KCNQ1: variants seen among roughly 807,000 people sequenced by gnomAD.
KCNQ1 encodes potassium voltage-gated channel subfamily KQT member 1.
A neutral mutation model predicts 72.4 loss-of-function variants in KCNQ1; 49 were observed. The observed-to-expected ratio is 0.68, with a 90% confidence interval of 0.54 to 0.86. The LOEUF is 0.86. Ranked by LOEUF, KCNQ1 falls within the 40% of genes least tolerant of loss-of-function variation. The pLI, the probability that KCNQ1 is intolerant of heterozygous loss-of-function variation, is 0.00. For missense variants in KCNQ1, 790 were observed against 945.1 expected (o/e 0.84, Z 2.15); for synonymous variants, 450 against 412.6 (o/e 1.09, Z -1.10).
rs912763163 is a variant in KCNQ1 at position 2,669,121 on chromosome 11, T to C, written c.1514+7040T>C. 4 of 398,606 alleles carry C rather than the reference T, an allele frequency of 1.0e-5. No homozygotes were observed. The highest frequency in any genetic ancestry group is 1.8e-5 in the Non-Finnish European group (4 of 226,126). The allele number at this position is 398,606 out of a possible 1,614,324, so 24.7% of individuals were successfully genotyped here. ...GCTCACTGGCTACGTGTGGCTCTGT[T>C]TCTGGACCCTATTGGGTGCCACTGG... On this transcript the variant is annotated intron_variant, in intron 11 of 15. Coordinates refer to ENST00000155840, the MANE Select transcript of KCNQ1 (RefSeq NM_000218.3). The surrounding 1 kb of genome is among the most constrained non-coding windows in gnomAD (Gnocchi z 5.6).
chr11:2,643,007 G>T (rs1401383358), intron 10 of KCNQ1: 1 of 397,442 alleles, frequency 2.5e-6, no homozygotes, highest in Non-Finnish European at 4.4e-6. Context: ...ATGCTATTGT[G>T]GTCTGAGAAG....
intron 15 of KCNQ1, among the ~76,000 whole-genome samples, chr11:2,779,331 G>T (rs554489217): frequency 6.6e-6 from 1 of 152,162 alleles, no homozygotes; most frequent in Non-Finnish European, 1.5e-5. Flanking sequence ...GTGACTCCTG[G>T]CTGGCACACC....
At chr11:2,533,478 G>A (rs1242604866) in intron 2 of KCNQ1, among the ~76,000 whole-genome samples, 1 of 152,260 alleles carries the variant, frequency 6.6e-6, no homozygotes, top group South Asian at 2.1e-4. Context: ...GGGGCTGTGT[G>A]TGCACGTGTG....
At chr11:2,832,761 G>A (rs192969082) in intron 15 of KCNQ1, among the ~76,000 whole-genome samples, 2 of 152,338 alleles carry the variant, frequency 1.3e-5, no homozygotes, top group African/African-American at 4.8e-5. Flanking sequence ...CAAGGCTGGG[G>A]CTGATGCTCC....
chr11:2,754,931 T>A (rs1460993056), intron 11 of KCNQ1, among the ~76,000 whole-genome samples: 1 of 152,222 alleles, frequency 6.6e-6, no homozygotes, highest in African/African-American at 2.4e-5. Flanking sequence ...GCGATTGCAC[T>A]AGTTTTCTGG....
At position 2,710,321 on chromosome 11, in the gene KCNQ1, G is replaced by C. The variant is rs1209050830; in HGVS notation, c.1514+48240G>C. ...AAATTCTTTGCCCAAATTTTAATTG[G>C]GTTGTGTTTTTATTATTTAGTAGAG... On this transcript the variant is annotated intron_variant, in intron 11 of 15. Coordinates refer to ENST00000155840, the MANE Select transcript of KCNQ1 (RefSeq NM_000218.3). This position sits in a 1 kb window ranked among gnomAD's most constrained non-coding sequence, Gnocchi z 4.1. Among the ~76,000 whole-genome samples, 1 of 152,044 alleles carries C rather than the reference G, an allele frequency of 6.6e-6. No homozygotes were observed. Among genetic ancestry groups the C allele is most frequent in the African/African-American group, 2.4e-5 (1 of 41,384 alleles).
At chr11:2,499,880 A>G (rs1275744706) in intron 1 of KCNQ1, among the ~76,000 whole-genome samples, 3 of 152,266 alleles carry the variant, frequency 2.0e-5, no homozygotes, top group Non-Finnish European at 4.4e-5. Flanking sequence ...CATTCTCCTC[A>G]GCACATAGCT....
intron 14 of KCNQ1, 57 bp from the exon 15 acceptor site, chr11:2,777,919 G>A (rs1846739448): frequency 6.5e-7 from 1 of 1,543,332 alleles, no homozygotes; most frequent in African/African-American, 1.4e-5. Flanking sequence ...AAGCCCAGCT[G>A]GGGTCCCCGG....
Position 2,623,790 on chromosome 11 carries a change from A to T in KCNQ1, c.1393+34936A>T. 2.5e-6 allele frequency: 1 copy of T among 398,576 alleles called. No individual in the cohort carries two copies. Among genetic ancestry groups the T allele is most frequent in the South Asian group, 1.3e-4 (1 of 7,860 alleles). 24.7% of individuals were successfully genotyped at this position (398,576 alleles called of 1,614,324 possible). A position where few individuals can be genotyped will look rare whatever the true frequency, so the allele number is the denominator to read the frequency against. On this transcript the variant is annotated intron_variant, in intron 10 of 15. Transcript: ENST00000155840. The surrounding 1 kb of genome is among the most constrained non-coding windows in gnomAD (Gnocchi z 5.2). ...CACCTCCTTTGAGTAAATACCAAGG[A>T]TGTGATTGCTGAACTGCATGGTAAG...
At chr11:2,584,573 G>A (rs967340236) in intron 7 of KCNQ1, among the ~76,000 whole-genome samples, 2 of 145,112 alleles carry the variant, frequency 1.4e-5, no homozygotes. Flanking sequence ...GTGTGTGTTA[G>A]TGTTTGTGTG....
rs1377488439 is a variant in KCNQ1 at position 2,482,904 on chromosome 11, G to A, written c.386+37420G>A. On this transcript the variant is annotated intron_variant, in intron 1 of 15. Coordinates refer to ENST00000155840, the MANE Select transcript of KCNQ1 (RefSeq NM_000218.3). This position sits in a 1 kb window ranked among gnomAD's most constrained non-coding sequence, Gnocchi z 5.7. The stretch of plus-strand genomic sequence containing the variant: ...AGGGTCACCCTCCAGGAAGTGACCT[G>A]CAAGAGAATGGAGAGAGTCATGGAC... 2.0e-5 allele frequency among the ~76,000 whole-genome samples: 3 copies of A among 152,192 alleles called. No individual in the cohort carries two copies. The highest frequency in any genetic ancestry group is 4.4e-5 in the Non-Finnish European group (3 of 68,044).
At chr11:2,571,273 G>A (rs1204678050) in intron 3 of KCNQ1, 52 bp from the exon 4 acceptor site, 3 of 1,448,852 alleles carry the variant, frequency 2.1e-6, no homozygotes, top group Admixed American at 1.7e-5. Context: ...CTCTTCCCTG[G>A]GGCCCTGGCT....
Position 2,759,381 on chromosome 11 carries a change from A to G in KCNQ1, c.1515-9463A>G, listed in dbSNP as rs1402494292. 6.6e-6 allele frequency among the ~76,000 whole-genome samples: 1 copy of G among 152,074 alleles called. No individual in the cohort carries two copies. The highest frequency in any genetic ancestry group is 1.5e-5 in the Non-Finnish European group (1 of 68,002). ...GTTTCCTCTGCCAAGACCCCCACCC[A>G]TCTGCCTCTCTTCATCTCACAAGCC... On this transcript the variant is annotated intron_variant, in intron 11 of 15. Transcript: ENST00000155840. The surrounding 1 kb of genome is among the most constrained non-coding windows in gnomAD (Gnocchi z 4.4).
At chr11:2,540,275 G>A (rs1022144215) in intron 2 of KCNQ1, among the ~76,000 whole-genome samples, 2 of 152,220 alleles carry the variant, frequency 1.3e-5, no homozygotes, top group African/African-American at 4.8e-5. Flanking sequence ...TATGTTCTTG[G>A]CTTCCCAGGT....
In KCNQ1 at chr11:2,669,131, T is replaced by C. The variant is rs1318306510; in HGVS notation, c.1514+7050T>C. ...TACGTGTGGCTCTGTTTCTGGACCC[T>C]ATTGGGTGCCACTGGTCAGATTCAA... On this transcript the variant is annotated intron_variant, in intron 11 of 15. Coordinates refer to ENST00000155840, the MANE Select transcript of KCNQ1 (RefSeq NM_000218.3). The surrounding 1 kb of genome is among the most constrained non-coding windows in gnomAD (Gnocchi z 5.6). 4.5e-5 allele frequency: 18 copies of C among 398,712 alleles called. No individual in the cohort carries two copies. In the Admixed American group the frequency reaches 7.0e-4, roughly 16 times the overall value. 24.7% of individuals were successfully genotyped at this position (398,712 alleles called of 1,614,324 possible).
intron 1 of KCNQ1, among the ~76,000 whole-genome samples, chr11:2,496,620 G>A (rs1473824544): frequency 6.7e-6 from 1 of 149,464 alleles, no homozygotes; most frequent in Non-Finnish European, 1.5e-5. Flanking sequence ...ACACTGATGG[G>A]CCTTAACTCT....
rs74474606 is a variant in KCNQ1 at position 2,612,894 on chromosome 11, A to G, written c.1393+24040A>G. On this transcript the variant is annotated intron_variant, in intron 10 of 15. Transcript: ENST00000155840. The surrounding 1 kb of genome is among the most constrained non-coding windows in gnomAD (Gnocchi z 5.5). ...TCCCTAACCAGGGATGATTTCTGTT[A>G]CTCATTTATTTGTTTGCTCGCTTGT... The G allele has an allele frequency of 0.018, 7,279 of 397,310 alleles. 287 individuals are homozygous for G. The highest frequency in any genetic ancestry group is 0.11 in the East Asian group (3,087 of 28,008). The allele number at this position is 397,310 out of a possible 1,614,324, so 24.6% of individuals were successfully genotyped here. A position where few individuals can be genotyped will look rare whatever the true frequency, so the allele number is the denominator to read the frequency against.
Position 2,752,661 on chromosome 11 carries a change from C to T in KCNQ1, c.1515-16183C>T, listed in dbSNP as rs568135169. On this transcript the variant is annotated intron_variant, in intron 11 of 15. Coordinates refer to ENST00000155840, the MANE Select transcript of KCNQ1 (RefSeq NM_000218.3). This position sits in a 1 kb window ranked among gnomAD's most constrained non-coding sequence, Gnocchi z 5.2. The stretch of plus-strand genomic sequence containing the variant: ...CCCTCAGGCCTCCTTTCCAAGGGCA[C>T]GCATCCTCTTCCTGAAGGCTCTGCC... Among the ~76,000 whole-genome samples, 42 of 152,146 alleles carry T rather than the reference C, an allele frequency of 2.8e-4. No individual in the cohort carries two copies. The highest frequency in any genetic ancestry group is 9.2e-4 in the African/African-American group (38 of 41,518).
At chr11:2,756,998 C>A (rs1255787381) in intron 11 of KCNQ1, among the ~76,000 whole-genome samples, 1 of 103,216 alleles carries the variant, frequency 9.7e-6, no homozygotes, top group African/African-American at 3.5e-5. Context: ...GCTAACATCA[C>A]ATCACACTTA....
Sources: allele counts gnomAD v4.1 joint callset (sites outside exome capture counted in the v4.1 genomes callset), GRCh38; gene constraint gnomAD v4.1.1; non-coding constraint Gnocchi (gnomAD v3.1); transcripts MANE v1.5; gene names NCBI Gene and HGNC (gene_info 2026-07-23, HGNC 2026-07-21).